Variants in RBPJ observed in about 807,000 individuals in gnomAD.
RBPJ encodes the protein recombining binding protein suppressor of hairless.
A neutral mutation model predicts 67.8 loss-of-function variants in RBPJ; 9 were observed. That is an observed-to-expected ratio of 0.13 (90% CI 0.08 to 0.23). RBPJ has a LOEUF of 0.23. Ranked by LOEUF, RBPJ falls within the 10% of genes least tolerant of loss-of-function variation. RBPJ has a pLI of 1.00. For synonymous variants in RBPJ, 198 were observed against 203.3 expected (o/e 0.97, Z 0.22); for missense variants, 305 against 595.6 (o/e 0.51, Z 5.08).
chr4:26,135,280 C>T, the RBPJ span, among the ~76,000 whole-genome samples: 2 of 152,096 alleles, frequency 1.3e-5, no homozygotes, highest in African/African-American at 2.4e-5. Context: ...ATGCTCATAG[C>T]CCCATTGTGA....
At chr4:26,176,109 G>A (rs1258936308) in intron 1 of RBPJ, among the ~76,000 whole-genome samples, 2 of 152,196 alleles carry the variant, frequency 1.3e-5, no homozygotes, top group East Asian at 3.8e-4. Context: ...GTGTAAGAAT[G>A]TCCTTAACAC....
intron 1 of RBPJ, among the ~76,000 whole-genome samples, chr4:26,249,455 T>C (rs1720026222): frequency 6.6e-6 from 1 of 152,000 alleles, no homozygotes; most frequent in African/African-American, 2.4e-5. Flanking sequence ...AGGTCAGAAG[T>C]TCAAGACCAG....
intron 1 of RBPJ, among the ~76,000 whole-genome samples, chr4:26,331,533 G>A (rs942739484): frequency 3.9e-5 from 6 of 152,158 alleles, no homozygotes; most frequent in Non-Finnish European, 7.3e-5. Context: ...GCCTTGATGG[G>A]TAGAGTGCGG....
At chr4:26,160,061 G>T (rs1219549991), upstream of RBPJ, among the ~76,000 whole-genome samples, 1 of 152,122 alleles carries the variant, frequency 6.6e-6, no homozygotes, top group Non-Finnish European at 1.5e-5. Flanking sequence ...TAGGACTACA[G>T]GCGCCCGCCA....
the RBPJ span, among the ~76,000 whole-genome samples, chr4:26,130,514 T>C: frequency 2.0e-5 from 3 of 152,180 alleles, no homozygotes; most frequent in Non-Finnish European, 4.4e-5. Context: ...TCAGTCCTTA[T>C]TTTTTCAAGC....
chr4:26,149,755 T>C, the RBPJ span, among the ~76,000 whole-genome samples: 2 of 152,234 alleles, frequency 1.3e-5, no homozygotes, highest in African/African-American at 4.8e-5. Flanking sequence ...AAATTTCTTT[T>C]CTTTGTAGAT....
At chr4:26,243,214 C>CA (rs957001482) in intron 1 of RBPJ, among the ~76,000 whole-genome samples, 3 of 151,526 alleles carry the variant, frequency 2.0e-5, no homozygotes, top group Non-Finnish European at 2.9e-5. Flanking sequence ...GCAACAAGAG[C>CA]AAAAAAACTC....
chr4:26,263,029 G>A (rs1401221274), intron 1 of RBPJ, among the ~76,000 whole-genome samples: 1 of 152,112 alleles, frequency 6.6e-6, no homozygotes, highest in African/African-American at 2.4e-5. Context: ...CACCACCCCA[G>A]AATTCCACAA....
rs1720481806 is a variant in RBPJ at position 26,260,211 on chromosome 4, T to G, written c.-167+96597T>G. Among the ~76,000 whole-genome samples, 3 of 152,242 alleles carry G rather than the reference T, an allele frequency of 2.0e-5. No individual in the cohort carries two copies. In the South Asian group the frequency reaches 6.2e-4, roughly 32 times the overall value. ...TGGACCTGTATGTTTAGAAGGGAAT[T>G]GTGAGTTTGATAGGCACTTTGTGTG... On this transcript the variant is annotated intron_variant, in intron 1 of 4. Coordinates refer to the RBPJ transcript ENST00000512351.
intron 1 of RBPJ, among the ~76,000 whole-genome samples, chr4:26,337,164 T>C (rs576811899): frequency 5.6e-4 from 85 of 151,374 alleles, no homozygotes; most frequent in South Asian, 2.5e-3. Flanking sequence ...AAAGACAGGG[T>C]TTCACCCTGT....
chr4:26,133,107 G>C, the RBPJ span, among the ~76,000 whole-genome samples: 7 of 152,238 alleles, frequency 4.6e-5, no homozygotes, highest in African/African-American at 1.7e-4. Flanking sequence ...GACCCAGGCA[G>C]GTGTCCTCTC....
intron 1 of RBPJ, among the ~76,000 whole-genome samples, chr4:26,381,088 T>G (rs1053276077): frequency 1.4e-5 from 2 of 142,794 alleles, no homozygotes; most frequent in East Asian, 2.0e-4. Context: ...TTTTTTCTTG[T>G]TTTTTTTTTT....
chr4:26,181,557 C>T (rs1716994938), intron 1 of RBPJ, among the ~76,000 whole-genome samples: 1 of 152,126 alleles, frequency 6.6e-6, no homozygotes. Context: ...AGAAATGCAT[C>T]ACTAGGCAAT....
intron 5 of RBPJ, 90 bp downstream of exon 5, chr4:26,420,815 C>G: frequency 1.0e-6 from 1 of 1,002,804 alleles, no homozygotes; most frequent in South Asian, 2.0e-5. Flanking sequence ...TTTTCAATAG[C>G]CAATTAATTC....
chr4:26,266,216 C>G (rs1352551316), intron 1 of RBPJ, among the ~76,000 whole-genome samples: 5 of 152,068 alleles, frequency 3.3e-5, no homozygotes, highest in African/African-American at 1.2e-4. Flanking sequence ...AGTCTACATC[C>G]TGGAAAAGAG....
the RBPJ span, among the ~76,000 whole-genome samples, chr4:26,143,297 A>C: frequency 2.0e-5 from 3 of 152,106 alleles, no homozygotes; most frequent in African/African-American, 7.2e-5. Context: ...CCCTCTTTCA[A>C]TTTATTCCCA....
At chr4:26,418,802 T>G (rs1191909147) in intron 4 of RBPJ, among the ~76,000 whole-genome samples, 5 of 152,214 alleles carry the variant, frequency 3.3e-5, no homozygotes, top group Admixed American at 6.5e-5. Flanking sequence ...AGACCTCGTC[T>G]TATGTTGCAG....
the RBPJ span, among the ~76,000 whole-genome samples, chr4:26,154,450 C>G: frequency 6.6e-6 from 1 of 152,172 alleles, no homozygotes; most frequent in East Asian, 1.9e-4. Context: ...CGTGTGGACT[C>G]ACCTGCTTTT....
At chr4:26,166,984 A>C (rs1716337183) in intron 1 of RBPJ, among the ~76,000 whole-genome samples, 1 of 152,136 alleles carries the variant, frequency 6.6e-6, no homozygotes, top group South Asian at 2.1e-4. Flanking sequence ...CTCTTTCCCC[A>C]TTGCTTGTTT....
Sources: gnomAD v4.1 joint callset for allele counts (sites outside exome capture counted in the v4.1 genomes callset) on GRCh38, gnomAD v4.1.1 for gene constraint, MANE v1.5 for transcripts, NCBI Gene and HGNC (gene_info 2026-07-23, HGNC 2026-07-21) for gene names.